IDH2: variants seen among roughly 807,000 people sequenced by gnomAD.
IDH2 encodes isocitrate dehydrogenase [NADP], mitochondrial.
IDH2 carries 18 observed loss-of-function variants against 50.5 expected under a neutral mutation model. That is an observed-to-expected ratio of 0.36 (90% CI 0.25 to 0.53). IDH2 has a LOEUF of 0.53. Ranked by LOEUF, IDH2 falls within the 20% of genes least tolerant of loss-of-function variation. The probability of loss-of-function intolerance (pLI) is 0.92; values close to 1 mark genes in which losing one functional copy is unlikely to be tolerated. For missense variants in IDH2, 518 were observed against 610.7 expected (o/e 0.85, Z 1.60); for synonymous variants, 280 against 239.8 (o/e 1.17, Z -1.55).
rs1901311049 is a variant in IDH2 at position 90,100,867 on chromosome 15, G to C, written c.115+1409C>G. 2.0e-5 allele frequency among the ~76,000 whole-genome samples: 3 copies of C among 151,458 alleles called. No homozygotes were observed. The South Asian group carries it at 6.3e-4, about 32-fold the overall frequency. ...GGGCCTGCAACTGACTGCTTTTTCT[G>C]TATCCAAATTCAGGACCCTTAAAAG... On this transcript the variant is annotated intron_variant, in intron 1 of 10. Coordinates refer to ENST00000330062, the MANE Select transcript of IDH2 (RefSeq NM_002168.4). This position sits in a 1 kb window ranked among gnomAD's most constrained non-coding sequence, Gnocchi z 4.1.
At chr15:90,089,345 C>T (rs752205695) in intron 3 of IDH2, among the ~76,000 whole-genome samples, 44 of 152,208 alleles carry the variant, frequency 2.9e-4, no homozygotes, top group Non-Finnish European at 5.4e-4. Flanking sequence ...GGGCCTAGAA[C>T]GGTGCCCGGT....
At chr15:90,091,683 A>C (rs946343886) in intron 1 of IDH2, 39 bp from the exon 2 acceptor site, 3 of 1,562,010 alleles carry the variant, frequency 1.9e-6, no homozygotes, top group Non-Finnish European at 2.6e-6. Flanking sequence ...GCCCCTGGGG[A>C]GGCTGGAGGG....
At chr15:90,093,162 A>G (rs1901088462) in intron 1 of IDH2, among the ~76,000 whole-genome samples, 1 of 152,190 alleles carries the variant, frequency 6.6e-6, no homozygotes, top group Non-Finnish European at 1.5e-5. Context: ...TCCAGTTCCT[A>G]AGGAGGGCCT....
At chr15:90,096,094 C>T (rs1223042079) in intron 1 of IDH2, among the ~76,000 whole-genome samples, 2 of 151,986 alleles carry the variant, frequency 1.3e-5, no homozygotes, top group Admixed American at 6.6e-5. Context: ...GTCAGGAGTT[C>T]GAGACCAGCC....
At position 90,085,318 on chromosome 15, in the gene IDH2, G is replaced by A; in HGVS notation, c.1037C>T (p.Ala346Val). 6.4e-7 allele frequency: 1 copy of A among 1,552,522 alleles called. No homozygotes were observed. The highest frequency in any genetic ancestry group is 8.7e-7 in the Non-Finnish European group (1 of 1,147,428). Residue 346 changes from alanine to valine, a missense_variant, in exon 8 of 11, where the codon GCC (alanine) becomes GTC (valine). Coordinates refer to ENST00000330062, the MANE Select transcript of IDH2 (RefSeq NM_002168.4). The surrounding 1 kb of genome is among the most constrained non-coding windows in gnomAD (Gnocchi z 5.5). ...GTGGCGGGTGACGGTCCCATGAGCG[G>A]CCTCAGCCTCAATCGTCTTCCCATC... ...CPDGKTIEAE[A>V]AHGTVTRHYR...
At position 90,098,828 on chromosome 15, in the gene IDH2, G is replaced by A. The variant is rs543781156; in HGVS notation, c.115+3448C>T. ...CAAAGTCCTGGGAGCCACCGCACGC[G>A]GCCAGAACAGCCATTTTGGAACAAA... On this transcript the variant is annotated intron_variant, in intron 1 of 10. Coordinates refer to ENST00000330062, the MANE Select transcript of IDH2 (RefSeq NM_002168.4). The surrounding 1 kb of genome is among the most constrained non-coding windows in gnomAD (Gnocchi z 5.1). 2.0e-5 allele frequency among the ~76,000 whole-genome samples: 3 copies of A among 152,208 alleles called. No homozygotes were observed. Among genetic ancestry groups the A allele is most frequent in the Admixed American group, 1.3e-4 (2 of 15,276 alleles).
At chr15:90,099,496 C>T (rs1368246579) in intron 1 of IDH2, among the ~76,000 whole-genome samples, 2 of 152,196 alleles carry the variant, frequency 1.3e-5, no homozygotes, top group African/African-American at 4.8e-5. Flanking sequence ...GAGGCAGGGT[C>T]TTGCTTTGTC....
In IDH2 at chr15:90,098,527, C is replaced by CATGT. The variant is rs1567259685; in HGVS notation, c.115+3748_115+3749insACAT. On this transcript the variant is annotated intron_variant, in intron 1 of 10. Transcript: ENST00000330062. The surrounding 1 kb of genome is among the most constrained non-coding windows in gnomAD (Gnocchi z 5.1). ...TTATGTATGTATGTATGTATGTATG[C>CATGT]ATGCATGTATGTATGTATGTATGTA... is the stretch of plus-strand genomic sequence containing the variant. 4.8e-5 allele frequency among the ~76,000 whole-genome samples: 7 copies of CATGT among 144,658 alleles called. No individual in the cohort carries two copies. The highest frequency in any genetic ancestry group is 9.3e-5 in the Non-Finnish European group (6 of 64,714). 94.9% of individuals were successfully genotyped at this position (144,658 alleles called of 152,430 possible).
In IDH2 at chr15:90,085,030, C is replaced by T. The variant is rs771906210; in HGVS notation, c.1149G>A (p.Gly383=). Residue 383 remains glycine (G), a synonymous_variant, in exon 9 of 11, where the codon GGG becomes GGA. Coordinates refer to ENST00000330062, the MANE Select transcript of IDH2 (RefSeq NM_002168.4). The surrounding 1 kb of genome is among the most constrained non-coding windows in gnomAD (Gnocchi z 5.5). ...TGAGGTCTTGGTTCCCATCCAGCTT[C>T]CCCCGGTGCTCCAGGCCACGTGTCC... ...FAWTRGLEHR[G]KLDGNQDLIR... 11 of 1,613,792 alleles carry T rather than the reference C, an allele frequency of 6.8e-6. No individual in the cohort carries two copies. Among genetic ancestry groups the T allele is most frequent in the Non-Finnish European group, 8.5e-6 (10 of 1,179,906 alleles).
chr15:90,088,878 G>A lies in IDH2; in HGVS notation c.374-131C>T, dbSNP rs912057224. The A allele has an allele frequency of 2.4e-5, 20 of 831,466 alleles. No individual in the cohort carries two copies. In the African/African-American group the frequency reaches 3.0e-4, roughly 13 times the overall value. 51.5% of individuals were successfully genotyped at this position (831,466 alleles called of 1,614,324 possible). A position where few individuals can be genotyped will look rare whatever the true frequency, so the allele number is the denominator to read the frequency against. ...TGAGGAAGGCAGTAGAGTCTAGAGT[G>A]CAAATGTGTGGGCTCTGGAGTCTGC... On this transcript the variant is annotated intron_variant, in intron 3 of 10. Coordinates refer to ENST00000330062, the MANE Select transcript of IDH2 (RefSeq NM_002168.4).
chr15:90,095,512 A>AAGGAGAGAC (rs2151554153), intron 1 of IDH2, among the ~76,000 whole-genome samples: 1 of 151,554 alleles, frequency 6.6e-6, no homozygotes, highest in Admixed American at 6.6e-5. Flanking sequence ...CAGGAGCCCT[A>AAGGAGAGAC]AGGAGAGACT....
rs1184650853 is a variant in IDH2 at position 90,086,656 on chromosome 15, T to C, written c.967+456A>G. 2.0e-5 allele frequency among the ~76,000 whole-genome samples: 3 copies of C among 152,094 alleles called. No homozygotes were observed. The East Asian group carries it at 5.8e-4, about 29-fold the overall frequency. The stretch of plus-strand genomic sequence containing the variant: ...ACTCCTGACCTCATCACCTATACTT[T>C]TTACTGCAATCTGATTTGTCTTTTA... On this transcript the variant is annotated intron_variant, in intron 7 of 10. Transcript: ENST00000330062.
intron 1 of IDH2, among the ~76,000 whole-genome samples, chr15:90,096,546 C>G (rs1901184995): frequency 6.6e-6 from 1 of 152,148 alleles, no homozygotes. Flanking sequence ...AATTGGAACT[C>G]TTGTGCCCTG....
At chr15:90,092,006 G>C (rs1901051968) in intron 1 of IDH2, among the ~76,000 whole-genome samples, 1 of 152,172 alleles carries the variant, frequency 6.6e-6, no homozygotes, top group Admixed American at 6.5e-5. Flanking sequence ...GAGGGATCTA[G>C]GTTGCATACT....
intron 1 of IDH2, among the ~76,000 whole-genome samples, chr15:90,095,729 C>A (rs1901166300): frequency 6.6e-6 from 1 of 152,210 alleles, no homozygotes; most frequent in Admixed American, 6.5e-5. Context: ...ATGCCTAAAA[C>A]ACAACAGTGC....
rs1451408210 is a variant in IDH2 at position 90,084,368 on chromosome 15, C to T, written c.1272-15G>A. The T allele has an allele frequency of 6.2e-7, 1 of 1,610,972 alleles. No homozygotes were observed. Among genetic ancestry groups the T allele is most frequent in the Non-Finnish European group, 8.5e-7 (1 of 1,178,122 alleles). ...TCAGCTTCACACTGCAGAGAGAGCA[C>T]CACTCACATCAGGGGTGGCTCCAGG... On this transcript the variant is annotated splice_polypyrimidine_tract_variant and intron_variant, in intron 10 of 10. Transcript: ENST00000330062. This position sits in a 1 kb window ranked among gnomAD's most constrained non-coding sequence, Gnocchi z 5.0.
At chr15:90,090,756 G>C (rs963086300) in intron 2 of IDH2, 112 bp from the exon 3 acceptor site, 4 of 1,178,026 alleles carry the variant, frequency 3.4e-6, no homozygotes, top group Admixed American at 1.8e-5. Flanking sequence ...GTCAAAACAG[G>C]GATGAGTGAA....
rs961658778 is a variant in IDH2 at position 90,088,836 on chromosome 15, G to T, written c.374-89C>A. The T allele has an allele frequency of 4.8e-6, 7 of 1,448,842 alleles. No homozygotes were observed. In the African/African-American group the frequency reaches 7.0e-5, roughly 14 times the overall value. 89.7% of individuals were successfully genotyped at this position (1,448,842 alleles called of 1,614,324 possible). On this transcript the variant is annotated intron_variant, in intron 3 of 10. Transcript: ENST00000330062. ...CCAAGCAACAACACAGCCAGACGGG[G>T]GTCCTAAAATTCTTCATGAGGAAGG...
chr15:90,088,836 G>A (rs961658778), intron 3 of IDH2, 89 bp from the exon 4 acceptor site: 10 of 1,448,748 alleles, frequency 6.9e-6, no homozygotes, highest in South Asian at 1.2e-5. Flanking sequence ...GCCAGACGGG[G>A]GTCCTAAAAT....
Sources: allele counts gnomAD v4.1 joint callset (sites outside exome capture counted in the v4.1 genomes callset), GRCh38; gene constraint gnomAD v4.1.1; non-coding constraint Gnocchi (gnomAD v3.1); transcripts MANE v1.5; gene names NCBI Gene and HGNC (gene_info 2026-07-23, HGNC 2026-07-21).